Variants in RNF19A observed in about 807,000 individuals in gnomAD.
RNF19A encodes ring finger protein 19A, RBR E3 ubiquitin protein ligase, also known as E3 ubiquitin-protein ligase RNF19A.
In RNF19A, 32 loss-of-function variants were observed where a neutral mutation model predicts 75.7. The observed-to-expected ratio is 0.42, with a 90% confidence interval of 0.32 to 0.57. The LOEUF (loss-of-function observed/expected upper bound fraction) is 0.57, where lower values mean the gene tolerates loss of function less well. RNF19A is among the 20% of genes least tolerant of loss of function. The pLI is 0.10. For synonymous variants in RNF19A, 335 were observed against 345.2 expected, an observed-to-expected ratio of 0.97 and a Z score of 0.33; for missense variants, 782 against 1,036.3, an observed-to-expected ratio of 0.75 and a Z score of 3.37.
intron 1 of RNF19A, among the ~76,000 whole-genome samples, chr8:100,327,839 C>T (rs1822555709): frequency 6.6e-6 from 1 of 152,196 alleles, no homozygotes; most frequent in African/African-American, 2.4e-5. Flanking sequence ...TTCAAGGCAC[C>T]ATTTCTTCTC....
chr8:100,325,274 C>T lies in RNF19A; in HGVS notation c.-243+10834G>A, dbSNP rs1332743139. Among the ~76,000 whole-genome samples the T allele has an allele frequency of 1.3e-5, 2 of 152,206 alleles. No individual in the cohort carries two copies. The highest frequency in any genetic ancestry group is 2.9e-5 in the Non-Finnish European group (2 of 68,044). Reference sequence around the variant, plus strand: ...CATGTTTGATACTGAAGGCAGAGAACTTAAGAGCCTGAAGGGTTTTTGCAG... The same window carrying T: ...CATGTTTGATACTGAAGGCAGAGAATTTAAGAGCCTGAAGGGTTTTTGCAG... On this transcript the variant is annotated intron_variant, in intron 1 of 3. Coordinates refer to the RNF19A transcript ENST00000519527. This position sits in a 1 kb window ranked among gnomAD's most constrained non-coding sequence, Gnocchi z 4.3.
intron 2 of RNF19A, among the ~76,000 whole-genome samples, chr8:100,285,498 A>G (rs17422137): frequency 0.17 from 26,402 of 152,090 alleles, 2,451 homozygotes; most frequent in Middle Eastern, 0.22. Flanking sequence ...TTATGATGAC[A>G]TTACCAATCA....
intron 1 of RNF19A, among the ~76,000 whole-genome samples, chr8:100,335,941 A>G (rs1040219837): frequency 2.6e-5 from 4 of 152,210 alleles, no homozygotes; most frequent in Admixed American, 6.5e-5. Flanking sequence ...GCCGCTTTCT[A>G]TACTATGAAC....
chr8:100,328,720 T>A (rs1275444556), intron 1 of RNF19A, among the ~76,000 whole-genome samples: 1 of 152,172 alleles, frequency 6.6e-6, no homozygotes, highest in Non-Finnish European at 1.5e-5. Flanking sequence ...TTCACCCCCA[T>A]CAGCCTCCCA....
intron 1 of RNF19A, among the ~76,000 whole-genome samples, chr8:100,289,583 T>C (rs1377272628): frequency 6.6e-6 from 1 of 152,128 alleles, no homozygotes; most frequent in Non-Finnish European, 1.5e-5. Context: ...AACACATTAA[T>C]GCCACATTCA....
Position 100,288,260 on chromosome 8 carries a change from T to G in RNF19A, c.-86A>C. 2 of 1,376,300 alleles carry G rather than the reference T, an allele frequency of 1.5e-6. No homozygotes were observed. The highest frequency in any genetic ancestry group is 1.9e-6 in the Non-Finnish European group (2 of 1,064,400). The allele number at this position is 1,376,300 out of a possible 1,614,324, so 85.3% of individuals were successfully genotyped here. A position where few individuals can be genotyped will look rare whatever the true frequency, so the allele number is the denominator to read the frequency against. ...TTCGATTTACAGAAGACTGCTATCA[T>G]GGATGTTCTGAAAAATAAAAAATAA... is the stretch of plus-strand genomic sequence containing the variant. On this transcript the variant is annotated 5_prime_UTR_variant, in exon 2 of 10. It removes an upstream start codon present in the reference 5' UTR. Coordinates refer to ENST00000341084, the MANE Select transcript of RNF19A (RefSeq NM_183419.4).
In RNF19A at chr8:100,284,192, C is replaced by T. The variant is rs1006688144; in HGVS notation, c.674+3309G>A. Among the ~76,000 whole-genome samples, 2 of 152,096 alleles carry T rather than the reference C, an allele frequency of 1.3e-5. No individual in the cohort carries two copies. Among genetic ancestry groups the T allele is most frequent in the Non-Finnish European group, 2.9e-5 (2 of 67,990 alleles). On this transcript the variant is annotated intron_variant, in intron 2 of 9. Coordinates refer to ENST00000341084, the MANE Select transcript of RNF19A (RefSeq NM_183419.4). The surrounding 1 kb of genome is among the most constrained non-coding windows in gnomAD (Gnocchi z 4.3). ...GCTAGTAATAGCATTAAAGATCTCA[C>T]TTAATCCTTATAACAACAAGATAGG...
intron 1 of RNF19A, among the ~76,000 whole-genome samples, chr8:100,297,827 G>A (rs892060585): frequency 1.3e-5 from 2 of 152,144 alleles, no homozygotes; most frequent in Non-Finnish European, 2.9e-5. Context: ...ATAATAAGAT[G>A]AGGTAACAAA....
At position 100,259,303 on chromosome 8, in the gene RNF19A, G is replaced by C. The variant is rs567339265; in HGVS notation, c.1827-57C>G. 11 of 1,409,674 alleles carry C rather than the reference G, an allele frequency of 7.8e-6. No homozygotes were observed. In the African/African-American group the frequency reaches 1.6e-4, roughly 20 times the overall value. 87.3% of individuals were successfully genotyped at this position (1,409,674 alleles called of 1,614,324 possible). ...ATTGCTGACTTCTTTTTGTTCAGAT[G>C]ACTGGGGGAAGGGTTTCTATGTGGA... On this transcript the variant is annotated intron_variant, in intron 9 of 9. Coordinates refer to ENST00000341084, the MANE Select transcript of RNF19A (RefSeq NM_183419.4). This position sits in a 1 kb window ranked among gnomAD's most constrained non-coding sequence, Gnocchi z 4.5.
Position 100,329,671 on chromosome 8 carries a change from A to G in RNF19A, c.-243+6437T>C, listed in dbSNP as rs1822585048. On this transcript the variant is annotated intron_variant, in intron 1 of 3. Transcript: ENST00000519527. This position sits in a 1 kb window ranked among gnomAD's most constrained non-coding sequence, Gnocchi z 4.3. ...AAGTCTGGAAACCATGTCACCTGAT[A>G]TGTGGTCAAAAGAACTGGTTGTACT... Among the ~76,000 whole-genome samples the G allele has an allele frequency of 6.6e-6, 1 of 152,224 alleles. No homozygotes were observed.
In RNF19A at chr8:100,264,218, A is replaced by G. The variant is rs778891386; in HGVS notation, c.1307-23T>C. 6.3e-7 allele frequency: 1 copy of G among 1,575,772 alleles called. No homozygotes were observed. The highest frequency in any genetic ancestry group is 1.1e-5 in the South Asian group (1 of 88,878). On this transcript the variant is annotated intron_variant, in intron 6 of 9. Coordinates refer to ENST00000341084, the MANE Select transcript of RNF19A (RefSeq NM_183419.4). The surrounding 1 kb of genome is among the most constrained non-coding windows in gnomAD (Gnocchi z 4.7). ...TACCTAAAGAGAAATTAAATCAGTC[A>G]TTACAAACAACAACAACAAAATAAC...
At chr8:100,327,449 A>C (rs527916485) in intron 1 of RNF19A, among the ~76,000 whole-genome samples, 63 of 151,706 alleles carry the variant, frequency 4.2e-4, no homozygotes, top group Non-Finnish European at 6.6e-4. Context: ...ATGGGGTTTC[A>C]CCATGTTGGC....
At chr8:100,286,569 T>C (rs1821029892) in intron 2 of RNF19A, among the ~76,000 whole-genome samples, 2 of 152,178 alleles carry the variant, frequency 1.3e-5, no homozygotes, top group African/African-American at 4.8e-5. Flanking sequence ...GGAATGTAGG[T>C]TAGATGCGAT....
intron 3 of RNF19A, among the ~76,000 whole-genome samples, chr8:100,273,844 AC>A (rs1820373727): frequency 6.6e-6 from 1 of 152,136 alleles, no homozygotes; most frequent in African/African-American, 2.4e-5. Flanking sequence ...GGGCAGTGGC[AC>A]AATCTCGGCT....
At chr8:100,282,713 A>G (rs894488866) in intron 2 of RNF19A, among the ~76,000 whole-genome samples, 2 of 152,240 alleles carry the variant, frequency 1.3e-5, no homozygotes, top group Non-Finnish European at 2.9e-5. Context: ...CTACAACAGC[A>G]TTTCCAGCAT....
chr8:100,314,200 A>G (rs1962901), upstream of RNF19A, among the ~76,000 whole-genome samples: 69,948 of 151,610 alleles, frequency 0.46, 17,099 homozygotes, highest in African/African-American at 0.64. This position sits in a 1 kb window ranked among gnomAD's most constrained non-coding sequence, Gnocchi z 4.1. Context: ...TCTTTATTGC[A>G]TACATACTAT....
In RNF19A at chr8:100,329,815, G is replaced by C. The variant is rs1212250784; in HGVS notation, c.-243+6293C>G. Among the ~76,000 whole-genome samples the C allele has an allele frequency of 6.6e-6, 1 of 152,198 alleles. No homozygotes were observed. The highest frequency in any genetic ancestry group is 1.5e-5 in the Non-Finnish European group (1 of 68,042). ...AATCCAGAGGGCAAACTGAGTACTA[G>C]ATTTCAGCTCAATGAAAAGCAGACA... is the stretch of plus-strand genomic sequence containing the variant. On this transcript the variant is annotated intron_variant, in intron 1 of 3. Transcript: ENST00000519527. The surrounding 1 kb of genome is among the most constrained non-coding windows in gnomAD (Gnocchi z 4.3).
Position 100,258,858 on chromosome 8 carries a change from T to C in RNF19A, c.2215A>G (p.Met739Val). ...SEFSCSDLES[M>V]KTSCSHGSSD... ...GAACCATGACTACAAGAAGTTTTCA[T>C]GCTTTCTAGGTCAGAACAACTAAAT... Residue 739 changes from methionine (M) to valine (V), a missense_variant, in exon 10 of 10, where the codon ATG becomes GTG. Met to Val is a conservative substitution (Grantham distance 21). Coordinates refer to ENST00000341084, the MANE Select transcript of RNF19A (RefSeq NM_183419.4). This position sits in a 1 kb window ranked among gnomAD's most constrained non-coding sequence, Gnocchi z 4.3. The C allele has an allele frequency of 1.9e-6, 3 of 1,614,166 alleles. No individual in the cohort carries two copies. Among genetic ancestry groups the C allele is most frequent in the Non-Finnish European group, 1.7e-6 (2 of 1,180,024 alleles).
chr8:100,304,879 A>G (rs1822002101), intron 1 of RNF19A, among the ~76,000 whole-genome samples: 1 of 152,204 alleles, frequency 6.6e-6, no homozygotes, highest in Non-Finnish European at 1.5e-5. Flanking sequence ...AGTAGCCCAG[A>G]GTGTTTCAAA....
Sources: gnomAD v4.1 joint callset for allele counts (sites outside exome capture counted in the v4.1 genomes callset) on GRCh38, gnomAD v4.1.1 for gene constraint, Gnocchi (gnomAD v3.1) non-coding constraint, MANE v1.5 for transcripts, NCBI Gene and HGNC (gene_info 2026-07-23, HGNC 2026-07-21) for gene names.